RNGTT: variants seen among roughly 807,000 people sequenced by gnomAD.
RNGTT encodes the protein RNA guanylyltransferase and 5'-phosphatase, also known as mRNA-capping enzyme.
Under a neutral mutation model 79.3 loss-of-function variants are expected in RNGTT, and 33 were observed. The ratio of observed to expected loss-of-function variants is 0.42; its 90% confidence interval spans 0.32 to 0.56. RNGTT has a LOEUF of 0.56. RNGTT is among the 20% of genes least tolerant of loss of function. The pLI, the probability that RNGTT is intolerant of heterozygous loss-of-function variation, is 0.17. For synonymous variants in RNGTT, 222 were observed against 235.9 expected (o/e 0.94, Z 0.54); for missense variants, 497 against 739.1 (o/e 0.67, Z 3.80).
chr6:88,703,309 T>C (rs1389387697), intron 13 of RNGTT, among the ~76,000 whole-genome samples: 1 of 152,138 alleles, frequency 6.6e-6, no homozygotes, highest in Non-Finnish European at 1.5e-5. Context: ...TAGGTGTCCA[T>C]CAATGGTGGA....
At chr6:88,911,679 A>G (rs1783834119) in intron 4 of RNGTT, among the ~76,000 whole-genome samples, 1 of 152,202 alleles carries the variant, frequency 6.6e-6, no homozygotes, top group Non-Finnish European at 1.5e-5. Context: ...ATTAAGAAAG[A>G]AAACAAAAAT....
At chr6:88,801,810 TAC>T (rs1251945624) in intron 11 of RNGTT, among the ~76,000 whole-genome samples, 178 bp from the exon 12 acceptor site, 2 of 138,354 alleles carry the variant, frequency 1.4e-5, no homozygotes, top group African/African-American at 5.7e-5. Context: ...AAGATTTGAA[TAC>T]ACACACACAG....
intron 13 of RNGTT, among the ~76,000 whole-genome samples, chr6:88,678,699 G>C (rs1774978226): frequency 6.6e-6 from 1 of 152,076 alleles, no homozygotes; most frequent in African/African-American, 2.4e-5. Flanking sequence ...CAGGAGGATT[G>C]CTTGACTCCA....
intron 13 of RNGTT, among the ~76,000 whole-genome samples, chr6:88,712,633 C>G (rs1343872159): frequency 6.6e-6 from 1 of 152,154 alleles, no homozygotes; most frequent in Non-Finnish European, 1.5e-5. Flanking sequence ...TTATTATAGG[C>G]ATTGCTAATC....
At chr6:88,959,556 CCTT>C (rs1562092891) in intron 1 of RNGTT, among the ~76,000 whole-genome samples, 1 of 152,024 alleles carries the variant, frequency 6.6e-6, no homozygotes, top group African/African-American at 2.4e-5. Flanking sequence ...GTCCATTTTC[CCTT>C]CTTAATATCT....
At chr6:88,689,125 C>G (rs1426626407) in intron 13 of RNGTT, among the ~76,000 whole-genome samples, 2 of 152,040 alleles carry the variant, frequency 1.3e-5, no homozygotes, top group African/African-American at 2.4e-5. Flanking sequence ...TTGCATTGTT[C>G]ATGGGTCATC....
chr6:88,786,079 A>G (rs1436911507), intron 12 of RNGTT, among the ~76,000 whole-genome samples: 2 of 152,086 alleles, frequency 1.3e-5, no homozygotes, highest in East Asian at 1.9e-4. Flanking sequence ...AAGAAAAGCC[A>G]TTTTTCTAAA....
intron 11 of RNGTT, among the ~76,000 whole-genome samples, chr6:88,824,748 CTTTT>C: frequency 7.4e-6 from 1 of 135,870 alleles, no homozygotes; most frequent in African/African-American, 2.7e-5. Context: ...CGTTTGTTTT[CTTTT>C]TTTTTTTTTT....
chr6:88,680,467 C>T (rs553193478), intron 13 of RNGTT, among the ~76,000 whole-genome samples: 20 of 152,178 alleles, frequency 1.3e-4, no homozygotes, highest in Non-Finnish European at 2.8e-4. Flanking sequence ...ACAGGCCAGG[C>T]GTGGTGGCTC....
chr6:88,736,139 G>A (rs1582399088), intron 13 of RNGTT, among the ~76,000 whole-genome samples: 2 of 152,096 alleles, frequency 1.3e-5, no homozygotes, highest in East Asian at 3.8e-4. Flanking sequence ...AGGAGAAACA[G>A]ATAATCTAAC....
chr6:88,851,236 T>C (rs962924282), intron 9 of RNGTT, among the ~76,000 whole-genome samples: 9 of 151,632 alleles, frequency 5.9e-5, no homozygotes, highest in Admixed American at 1.3e-4. Flanking sequence ...GTTCTTCAGA[T>C]TGAAGAGGAA....
chr6:88,739,352 G>A (rs1777391930), intron 13 of RNGTT, among the ~76,000 whole-genome samples: 1 of 151,852 alleles, frequency 6.6e-6, no homozygotes, highest in African/African-American at 2.4e-5. Context: ...GTTTTTTTGA[G>A]GCAAGCAAGG....
chr6:88,734,496 A>G (rs1285421118), intron 13 of RNGTT, among the ~76,000 whole-genome samples: 1 of 152,190 alleles, frequency 6.6e-6, no homozygotes, highest in Non-Finnish European at 1.5e-5. Flanking sequence ...TCAACTGTTA[A>G]GGACCTAAAC....
chr6:88,699,830 G>C (rs1775885597), intron 13 of RNGTT, among the ~76,000 whole-genome samples: 1 of 152,130 alleles, frequency 6.6e-6, no homozygotes, highest in Non-Finnish European at 1.5e-5. Flanking sequence ...GACAAATATT[G>C]TATGGTTTGA....
chr6:88,761,207 T>C (rs192752566), intron 13 of RNGTT, among the ~76,000 whole-genome samples: 1 of 152,130 alleles, frequency 6.6e-6, no homozygotes, highest in African/African-American at 2.4e-5. Flanking sequence ...CAGAACCTTC[T>C]GGCCAGGCAT....
intron 8 of RNGTT, among the ~76,000 whole-genome samples, chr6:88,883,246 T>C (rs1044099730): frequency 4.6e-5 from 7 of 151,636 alleles, no homozygotes; most frequent in Non-Finnish European, 8.8e-5. Flanking sequence ...ATAAAACAGT[T>C]GTAAATCCAT....
chr6:88,675,677 CAT>C (rs1350110025), intron 14 of RNGTT, among the ~76,000 whole-genome samples: 3 of 148,122 alleles, frequency 2.0e-5, no homozygotes, highest in Non-Finnish European at 4.5e-5. Context: ...AGTATAAGAT[CAT>C]AGAGTTTAAA....
At chr6:88,932,946 T>C (rs1383899514) in intron 2 of RNGTT, among the ~76,000 whole-genome samples, 1 of 152,186 alleles carries the variant, frequency 6.6e-6, no homozygotes, top group African/African-American at 2.4e-5. Flanking sequence ...AGGTTGATGG[T>C]TGTTTCAATC....
intron 14 of RNGTT, among the ~76,000 whole-genome samples, chr6:88,665,802 C>T (rs1774382396): frequency 6.6e-6 from 1 of 152,238 alleles, no homozygotes; most frequent in Non-Finnish European, 1.5e-5. Flanking sequence ...TGTTCCAGTA[C>T]ATCGACAACC....
Sources: gnomAD v4.1 joint callset for allele counts (sites outside exome capture counted in the v4.1 genomes callset) on GRCh38, gnomAD v4.1.1 for gene constraint, MANE v1.5 for transcripts, NCBI Gene and HGNC (gene_info 2026-07-23, HGNC 2026-07-21) for gene names.